The following KCNIP4 variants were observed in gnomAD, a reference collection of about 807,000 sequenced individuals.
KCNIP4 encodes potassium voltage-gated channel interacting protein 4, also known as Kv channel-interacting protein 4.
KCNIP4 carries 12 observed loss-of-function variants against 34.0 expected under a neutral mutation model. The observed-to-expected ratio is 0.35, with a 90% CI of 0.23 to 0.57. KCNIP4 has a LOEUF of 0.57. Ranked by LOEUF, KCNIP4 falls within the 20% of genes least tolerant of loss-of-function variation. The pLI is 0.83. For missense variants in KCNIP4, 238 were observed against 311.7 expected (o/e 0.76, Z 1.78); for synonymous variants, 124 against 102.2 (o/e 1.21, Z -1.29).
chr4:21,260,594 A>G (rs1761407545), intron 1 of KCNIP4, among the ~76,000 whole-genome samples: 1 of 152,124 alleles, frequency 6.6e-6, no homozygotes, highest in South Asian at 2.1e-4. Context: ...TAATGCCTTC[A>G]ATTACCTGGC....
chr4:20,909,526 G>T (rs1435018032), intron 1 of KCNIP4, among the ~76,000 whole-genome samples: 1 of 152,134 alleles, frequency 6.6e-6, no homozygotes, highest in Non-Finnish European at 1.5e-5. Context: ...CCCAGTGAAT[G>T]CTTCCATTAG....
At chr4:21,935,949 A>G (rs1023944790) in intron 1 of KCNIP4, among the ~76,000 whole-genome samples, 17 of 118,484 alleles carry the variant, frequency 1.4e-4, no homozygotes, top group Non-Finnish European at 2.1e-4. Context: ...AATATACCCA[A>G]AAGAAATGAA....
intron 3 of KCNIP4, among the ~76,000 whole-genome samples, chr4:20,772,095 A>G (rs1206699693): frequency 1.3e-5 from 2 of 152,196 alleles, no homozygotes; most frequent in African/African-American, 4.8e-5. Context: ...CACAATGTTT[A>G]AGAAATGAGC....
rs116624603 is a variant in KCNIP4, at chr4:21,625,600, G to T, written c.61+322971C>A. On this transcript the variant is annotated intron_variant, in intron 1 of 8. Coordinates refer to ENST00000382152, the MANE Select transcript of KCNIP4 (RefSeq NM_025221.6). ...TGGTGAGCTACCCCATGTGCAGAAT[G>T]CTCTATCAGTGACTTTGTCAGAGTA... 3.5e-3 allele frequency among the ~76,000 whole-genome samples: 526 copies of T among 152,280 alleles called. 4 individuals are homozygous for T. Among genetic ancestry groups the T allele is most frequent in the Non-Finnish European group, 3.2e-3 (218 of 68,006 alleles).
At chr4:20,969,556 T>TGTGTG (rs768106162) in intron 1 of KCNIP4, among the ~76,000 whole-genome samples, 1,592 of 149,694 alleles carry the variant, frequency 0.011, 32 homozygotes, top group African/African-American at 0.038. Context: ...GCGTGTGTGT[T>TGTGTG]TGTGTGTGTG....
chr4:21,838,900 A>G (rs1723509600), intron 1 of KCNIP4, among the ~76,000 whole-genome samples: 1 of 152,216 alleles, frequency 6.6e-6, no homozygotes, highest in Non-Finnish European at 1.5e-5. Flanking sequence ...ATTACTCATA[A>G]TAGCCACATG....
chr4:21,537,799 G>A (rs1359105371), intron 1 of KCNIP4, among the ~76,000 whole-genome samples: 4 of 151,910 alleles, frequency 2.6e-5, no homozygotes, highest in Non-Finnish European at 4.4e-5. Context: ...GGATCACGAG[G>A]TCAGGAGATC....
intron 2 of KCNIP4, among the ~76,000 whole-genome samples, chr4:20,853,991 C>A (rs947128259): frequency 3.9e-5 from 6 of 151,936 alleles, no homozygotes; most frequent in Non-Finnish European, 7.4e-5. Context: ...AATCAAAAAA[C>A]AGATGTTGGT....
At chr4:21,709,829 A>T (rs1713580635) in intron 1 of KCNIP4, among the ~76,000 whole-genome samples, 1 of 152,214 alleles carries the variant, frequency 6.6e-6, no homozygotes, top group East Asian at 1.9e-4. Context: ...TAGTGTGAGT[A>T]ATCCCTTTTG....
At chr4:21,646,318 T>C (rs369231042) in intron 1 of KCNIP4, among the ~76,000 whole-genome samples, 2 of 152,186 alleles carry the variant, frequency 1.3e-5, no homozygotes, top group African/African-American at 4.8e-5. Flanking sequence ...TCAAATGTCT[T>C]TCTTGCTATC....
At chr4:21,931,013 T>C (rs2109007840) in intron 1 of KCNIP4, among the ~76,000 whole-genome samples, 1 of 152,264 alleles carries the variant, frequency 6.6e-6, no homozygotes, top group East Asian at 1.9e-4. Context: ...GGAGTCTCAA[T>C]TGCTGAGAAC....
intron 1 of KCNIP4, among the ~76,000 whole-genome samples, chr4:21,012,102 T>C (rs1438320003): frequency 6.6e-6 from 1 of 152,222 alleles, no homozygotes; most frequent in Non-Finnish European, 1.5e-5. Context: ...ATTGTTCCCA[T>C]ACATCATTCC....
rs115911033 is a variant in KCNIP4, at chr4:21,741,215, G to C, written c.61+207356C>G. ...GAGGTGTTTTCATTTACTGGGAAAA[G>C]AGCTAGGGCAAGTAGGCCTCCAGCC... On this transcript the variant is annotated intron_variant, in intron 1 of 8. Transcript: ENST00000382152. 5.0e-3 allele frequency among the ~76,000 whole-genome samples: 765 copies of C among 152,236 alleles called. 5 individuals are homozygous for C. The highest frequency in any genetic ancestry group is 0.018 in the African/African-American group (732 of 41,530).
At chr4:21,733,231 GT>G (rs1334947655) in intron 1 of KCNIP4, among the ~76,000 whole-genome samples, 17 of 152,200 alleles carry the variant, frequency 1.1e-4, no homozygotes, top group Admixed American at 1.0e-3. Context: ...CAACTTCCCA[GT>G]TCAAATTACT....
intron 1 of KCNIP4, among the ~76,000 whole-genome samples, chr4:21,398,977 T>C (rs1220558501): frequency 6.6e-6 from 1 of 152,256 alleles, no homozygotes; most frequent in Non-Finnish European, 1.5e-5. Context: ...ATGACTACTG[T>C]CATCTCTTTC....
chr4:21,094,619 G>GTGT (rs1488950504), intron 1 of KCNIP4, among the ~76,000 whole-genome samples: 1 of 152,154 alleles, frequency 6.6e-6, no homozygotes, highest in African/African-American at 2.4e-5. Flanking sequence ...GTCTCACATT[G>GTGT]ACTTGTGTAA....
chr4:21,264,407 T>G (rs1761668143), intron 1 of KCNIP4, among the ~76,000 whole-genome samples: 1 of 152,136 alleles, frequency 6.6e-6, no homozygotes, highest in Non-Finnish European at 1.5e-5. Context: ...AACACTGGCA[T>G]GGAGATGATT....
At chr4:21,127,423 A>G (rs1354916020) in intron 1 of KCNIP4, among the ~76,000 whole-genome samples, 1 of 151,994 alleles carries the variant, frequency 6.6e-6, no homozygotes, top group Admixed American at 6.6e-5. Context: ...GTCTCTCATG[A>G]CTCTGATTAT....
intron 1 of KCNIP4, among the ~76,000 whole-genome samples, chr4:20,884,832 C>T (rs920031621): frequency 6.6e-6 from 1 of 151,770 alleles, no homozygotes; most frequent in Non-Finnish European, 1.5e-5. Flanking sequence ...TCATGAGTAG[C>T]TGGGATTACA....
Sources: allele counts gnomAD v4.1 joint callset (sites outside exome capture counted in the v4.1 genomes callset), GRCh38; gene constraint gnomAD v4.1.1; transcripts MANE v1.5; gene names NCBI Gene and HGNC (gene_info 2026-07-23, HGNC 2026-07-21).